FBN3: variants seen among roughly 807,000 people sequenced by gnomAD.
FBN3 encodes the protein fibrillin 3.
Under a neutral mutation model 330.1 loss-of-function variants are expected in FBN3, and 234 were observed. That is an observed-to-expected ratio of 0.71 (90% CI 0.64 to 0.79). FBN3 has a LOEUF of 0.79. Among genes scored for constraint, FBN3 ranks in the 30% least tolerant of loss-of-function variants. The pLI is 0.00. For missense variants in FBN3, 3,606 were observed against 3,886.9 expected, an observed-to-expected ratio of 0.93 and a Z score of 1.92; for synonymous variants, 1,458 against 1,517.3, an observed-to-expected ratio of 0.96 and a Z score of 0.91.
chr19:8,081,382 C>T lies in FBN3; in HGVS notation c.7312G>A (p.Glu2438Lys). The T allele has an allele frequency of 6.2e-7, 1 of 1,609,370 alleles. No homozygotes were observed. The highest frequency in any genetic ancestry group is 1.7e-5 in the Admixed American group (1 of 59,236). Residue 2438 changes from glutamate to lysine, a missense_variant, in exon 58 of 64, where the codon GAG (glutamate) becomes AAG (lysine). Coordinates refer to ENST00000600128, the MANE Select transcript of FBN3 (RefSeq NM_032447.5). ...LCSCPRGYLL[E>K]EDGRTCKDLD... ...CCTTTGCAGGTCCTGCCATCCTCCTCCAGCAGGTAGCCTCGGGGACAGCTG... is the reference window on the plus strand; with the variant it reads ...CCTTTGCAGGTCCTGCCATCCTCCTTCAGCAGGTAGCCTCGGGGACAGCTG...
In FBN3 at chr19:8,131,414, C is replaced by T. The variant is rs887453577; in HGVS notation, c.1991-126G>A. 8.3e-6 allele frequency: 12 copies of T among 1,447,064 alleles called. No individual in the cohort carries two copies. Among genetic ancestry groups the T allele is most frequent in the Admixed American group, 3.7e-5 (2 of 53,572 alleles). The allele number at this position is 1,447,064 out of a possible 1,614,324, so 89.6% of individuals were successfully genotyped here. On this transcript the variant is annotated intron_variant, in intron 15 of 63. Coordinates refer to ENST00000600128, the MANE Select transcript of FBN3 (RefSeq NM_032447.5). This position sits in a 1 kb window ranked among gnomAD's most constrained non-coding sequence, Gnocchi z 4.5. ...TGGGACTAAGACACAACTCCAACCCCGGGGAGGGAGCAACTCCCTTCAGCC... is the reference window on the plus strand; with the variant it reads ...TGGGACTAAGACACAACTCCAACCCTGGGGAGGGAGCAACTCCCTTCAGCC...
Position 8,135,942 on chromosome 19 carries a change from C to CCCCCCCCCCCCCCCCCCA in FBN3, c.1591+18_1591+19insTGGGGGGGGGGGGGGGGG. On this transcript the variant is annotated intron_variant, in intron 13 of 63. Transcript: ENST00000600128. The stretch of plus-strand genomic sequence containing the variant: ...GTGGGGCCCGGAAGCCCCTGCCCAC[C>CCCCCCCCCCCCCCCCCCA]CGCCCACCCCCAACTCACCCACACA... The CCCCCCCCCCCCCCCCCCA allele has an allele frequency of 2.1e-6, 1 of 466,754 alleles. No homozygotes were observed. The allele number at this position is 466,754 out of a possible 1,614,324, so 28.9% of individuals were successfully genotyped here.
rs780322998 is a variant in FBN3 at position 8,125,968 on chromosome 19, G to T, written c.2655C>A (p.Cys885Ter). 3.7e-6 allele frequency: 6 copies of T among 1,613,868 alleles called. No homozygotes were observed. In the South Asian group the frequency reaches 6.6e-5, roughly 18 times the overall value. ...SFPGVCPNGRCVNTAGSFRCE... is the reference protein window; with the variant it reads ...SFPGVCPNGR ...AGCGGAAAGACCCAGCAGTGTTGAC[G>T]CAACGCCCGTTGGGACAGACTCCCG... The change falls in exon 22 of 64, where the codon TGC (cysteine) becomes TGA (stop). Residue 885 changes from cysteine to a stop codon, truncating the protein, a stop_gained. Transcript: ENST00000600128. LOFTEE classifies it high-confidence loss of function.
intron 13 of FBN3, among the ~76,000 whole-genome samples, chr19:8,135,440 G>A (rs1351115176): frequency 6.6e-6 from 1 of 151,944 alleles, no homozygotes; most frequent in Non-Finnish European, 1.5e-5. Flanking sequence ...ACCACGCCCA[G>A]CTAATTTTTT....
intron 16 of FBN3, among the ~76,000 whole-genome samples, chr19:8,130,637 A>G (rs369646132): frequency 3.7e-3 from 35 of 9,418 alleles, no homozygotes; most frequent in African/African-American, 6.4e-3. Context: ...AGAAAGAAAG[A>G]AAGAAAGGAA....
intron 42 of FBN3, 125 bp from the exon 43 acceptor site, chr19:8,097,131 G>A: frequency 2.0e-6 from 3 of 1,484,110 alleles, no homozygotes; most frequent in South Asian, 2.5e-5. Context: ...GCTGGAGTAA[G>A]GGTGGTTATA....
intron 53 of FBN3, 104 bp downstream of exon 53, chr19:8,087,719 GTC>G: frequency 1.0e-6 from 1 of 970,308 alleles, no homozygotes; most frequent in Non-Finnish European, 1.5e-6. Context: ...CGATTCTCCT[GTC>G]TCTCAGCCTC....
At position 8,086,325 on chromosome 19, in the gene FBN3, T is replaced by C. The variant is rs1331354553; in HGVS notation, c.6755A>G (p.Asp2252Gly). The C allele has an allele frequency of 1.9e-6, 3 of 1,600,526 alleles. No individual in the cohort carries two copies. In the Admixed American group the frequency reaches 5.1e-5, roughly 27 times the overall value. ...AGGCTGAGCGTGGCATTCATTGTCATCTGAGATGGGAGGGGTGAGGCAGGT... is the reference window on the plus strand; with the variant it reads ...AGGCTGAGCGTGGCATTCATTGTCACCTGAGATGGGAGGGGTGAGGCAGGT... ...PLPGSGEGCT[D>G]DNECHAQPDL... The change falls in exon 55 of 64, where the codon GAT becomes GGT. Residue 2252 changes from aspartate (D) to glycine (G), a missense_variant and splice_region_variant. Transcript: ENST00000600128.
chr19:8,120,704 T>C (rs947997818), intron 25 of FBN3, among the ~76,000 whole-genome samples: 1 of 152,168 alleles, frequency 6.6e-6, no homozygotes, highest in Non-Finnish European at 1.5e-5. Context: ...CTCGAACTCC[T>C]GGACTCAAGC....
At chr19:8,115,732 C>A in intron 29 of FBN3, 92 bp from the exon 30 acceptor site, 1 of 1,441,980 alleles carries the variant, frequency 6.9e-7, no homozygotes, top group Non-Finnish European at 9.6e-7. Flanking sequence ...CACCAGCATT[C>A]CTGACTGTCC....
In FBN3 at chr19:8,126,539, G is replaced by C; in HGVS notation, c.2483C>G (p.Ala828Gly). 2 of 1,612,930 alleles carry C rather than the reference G, an allele frequency of 1.2e-6. No individual in the cohort carries two copies. Among genetic ancestry groups the C allele is most frequent in the Non-Finnish European group, 1.7e-6 (2 of 1,179,936 alleles). Residue 828 changes from alanine to glycine, a missense_variant, in exon 20 of 64, where the codon GCC becomes GGC. Physicochemically the swap from Ala to Gly is moderately conservative, Grantham distance 60 (BLOSUM62 0). Coordinates refer to ENST00000600128, the MANE Select transcript of FBN3 (RefSeq NM_032447.5). ...GGCGCAGCACTCAGACCGCAGGCTG[G>C]CTCCCTGAAGGTTCACCTCACAGCG... ...ESRCEVNLQG[A>G]SLRSECCATL...
chr19:8,094,414 C>A, intron 47 of FBN3, 32 bp downstream of exon 47: 1 of 1,582,738 alleles, frequency 6.3e-7, no homozygotes, highest in Admixed American at 1.8e-5. Flanking sequence ...CACTCCCTGG[C>A]GCCAGAAACG....
At chr19:8,111,485 G>A (rs528992684) in intron 32 of FBN3, among the ~76,000 whole-genome samples, 163 bp downstream of exon 32, 1 of 152,110 alleles carries the variant, frequency 6.6e-6, no homozygotes, top group Non-Finnish European at 1.5e-5. Context: ...CCGTGGGCAG[G>A]CCGCAGCACC....
At chr19:8,135,749 G>A (rs1051698480) in intron 13 of FBN3, among the ~76,000 whole-genome samples, 5 of 152,026 alleles carry the variant, frequency 3.3e-5, no homozygotes, top group Admixed American at 6.6e-5. Flanking sequence ...TGTGATTCAC[G>A]GAATAAATTC....
At chr19:8,093,456 T>A (rs2082142839) in intron 47 of FBN3, among the ~76,000 whole-genome samples, 2 of 151,758 alleles carry the variant, frequency 1.3e-5, no homozygotes, top group Middle Eastern at 3.2e-3. Flanking sequence ...ACCCCGTCTC[T>A]ACTAAAAATA....
Position 8,119,001 on chromosome 19 carries a change from T to C in FBN3, c.3233A>G (p.Asp1078Gly), listed in dbSNP as rs1178702180. The change falls in exon 26 of 64, where the codon GAC (aspartate) becomes GGC (glycine). Residue 1078 changes from aspartate to glycine, a missense_variant. Transcript: ENST00000600128. ...AGTGCCTCCCCGGCAGAGCAGCGGGTCCCTTGCACACTCGTCCACGTCTGA... is the reference window on the plus strand; with the variant it reads ...AGTGCCTCCCCGGCAGAGCAGCGGGCCCCTTGCACACTCGTCCACGTCTGA... Reference protein sequence around the residue: ...NCMDVDECARDPLLCRGGTCT... With the variant: ...NCMDVDECARGPLLCRGGTCT... The C allele has an allele frequency of 6.2e-7, 1 of 1,606,024 alleles. No individual in the cohort carries two copies. Among genetic ancestry groups the C allele is most frequent in the South Asian group, 1.1e-5 (1 of 90,834 alleles).
intron 6 of FBN3, among the ~76,000 whole-genome samples, chr19:8,143,799 C>CTTT (rs778118254): frequency 4.1e-5 from 3 of 73,700 alleles, no homozygotes; most frequent in African/African-American, 1.0e-4. Context: ...GGCCTCTTTT[C>CTTT]TTTCTTTCTT....
In FBN3 at chr19:8,126,770, A is replaced by G; in HGVS notation, c.2359T>C (p.Tyr787His). Residue 787 changes from tyrosine (Y) to histidine (H), a missense_variant, in exon 19 of 64, where the codon TAC becomes CAC. Tyr to His is a moderately conservative substitution (Grantham distance 83, BLOSUM62 2). Coordinates refer to ENST00000600128, the MANE Select transcript of FBN3 (RefSeq NM_032447.5). ...SGVCRNLAGS[Y>H]TCKCGPGSRL... The stretch of plus-strand genomic sequence containing the variant: ...CTGCCAGGGCCACATTTGCAGGTGT[A>G]GGAGCCGGCCAGGTTCCGACAGACG... The G allele has an allele frequency of 5.6e-6, 9 of 1,595,160 alleles. No homozygotes were observed. The highest frequency in any genetic ancestry group is 7.7e-6 in the Non-Finnish European group (9 of 1,171,816).
At position 8,129,919 on chromosome 19, in the gene FBN3, A is replaced by G. The variant is rs61375545; in HGVS notation, c.2045-554T>C. Among the ~76,000 whole-genome samples, 1 of 150,238 alleles carries G rather than the reference A, an allele frequency of 6.7e-6. No individual in the cohort carries two copies. Among genetic ancestry groups the G allele is most frequent in the East Asian group, 2.0e-4 (1 of 4,958 alleles). ...AAAAAGCAATTTTTTTTTTTTTGAG[A>G]TAGGGTCTCACTCTGTCGCACAGGC... On this transcript the variant is annotated intron_variant, in intron 16 of 63. Coordinates refer to ENST00000600128, the MANE Select transcript of FBN3 (RefSeq NM_032447.5). The surrounding 1 kb of genome is among the most constrained non-coding windows in gnomAD (Gnocchi z 4.5).
Sources: allele counts gnomAD v4.1 joint callset (sites outside exome capture counted in the v4.1 genomes callset), GRCh38; gene constraint gnomAD v4.1.1; non-coding constraint Gnocchi (gnomAD v3.1); transcripts MANE v1.5; gene names NCBI Gene and HGNC (gene_info 2026-07-23, HGNC 2026-07-21).